Variants in CXorf66 observed in about 807,000 individuals in gnomAD.
CXorf66 encodes the protein uncharacterized protein CXorf66.
CXorf66 carries 6 observed loss-of-function variants against 5.0 expected under a neutral mutation model. The ratio of observed to expected loss-of-function variants is 1.20; its 90% CI spans 0.65 to 2.36. The LOEUF (loss-of-function observed/expected upper bound fraction) is 2.36, where lower values mean the gene tolerates loss of function less well. Among genes scored for constraint, CXorf66 ranks in the 30% most tolerant of loss-of-function variants. The probability of loss-of-function intolerance (pLI) is 0.00; values close to 1 mark genes in which losing one functional copy is unlikely to be tolerated. For missense variants in CXorf66, 270 were observed against 254.9 expected, an observed-to-expected ratio of 1.06 and a Z score of -0.40; for synonymous variants, 98 against 102.8, an observed-to-expected ratio of 0.95 and a Z score of 0.28.
At position 139,956,597 on chromosome X, in the gene CXorf66, A is replaced by G. The variant is rs1190966849; in HGVS notation, c.385T>C (p.Ser129Pro). ...AATTTTTCTGTGCTGGATTGTGCGG[A>G]TGCCCTTTCTGGACTCGATGAATCA... ...SSDSSSPERA[S>P]AQSSTEKLIR... Residue 129 changes from serine (S) to proline (P), a missense_variant, in exon 3 of 3, where the codon TCC becomes CCC. Coordinates refer to ENST00000370540, the MANE Select transcript of CXorf66 (RefSeq NM_001013403.3). 1 of 1,211,364 alleles carries G rather than the reference A, an allele frequency of 8.3e-7. No individual in the cohort carries two copies. The highest frequency in any genetic ancestry group is 3.0e-5 in the East Asian group (1 of 33,830).
rs1423613099 is a variant in CXorf66 at position 139,955,734 on chromosome X, T to C, written c.*162A>G. On this transcript the variant is annotated 3_prime_UTR_variant, in exon 3 of 3. Coordinates refer to ENST00000370540, the MANE Select transcript of CXorf66 (RefSeq NM_001013403.3). ...ATAATAATTACAATAGTAATTTATG[T>C]CATGCATTTTATTGATATTTTTAAA... 6 of 417,122 alleles carry C rather than the reference T, an allele frequency of 1.4e-5. No individual in the cohort carries two copies. The highest frequency in any genetic ancestry group is 2.5e-5 in the African/African-American group (1 of 40,058). 34.4% of individuals were successfully genotyped at this position (417,122 alleles called of 1,213,427 possible). A position where few individuals can be genotyped will look rare whatever the true frequency, so the allele number is the denominator to read the frequency against.
intron 1 of CXorf66, among the ~76,000 whole-genome samples, chrX:139,958,835 G>A (rs1310932359): frequency 1.8e-5 from 2 of 112,206 alleles, no homozygotes; most frequent in Non-Finnish European, 3.8e-5. Context: ...AAGGAGCCAG[G>A]GGCCTCCTTC....
chrX:139,956,136 C>A lies in CXorf66; in HGVS notation c.846G>T (p.Leu282Phe). The A allele has an allele frequency of 1.1e-5, 13 of 1,211,490 alleles. No individual in the cohort carries two copies. The highest frequency in any genetic ancestry group is 1.5e-5 in the Non-Finnish European group (13 of 895,418). ...KHLVAKTYRP[L>F]VNDISEAKEK... ...CCTTTGCCTCAGAAATATCATTGAC[C>A]AAAGGCCTATAAGTTTTGGCAACAA... The change falls in exon 3 of 3, where the codon TTG becomes TTT. Residue 282 changes from leucine to phenylalanine, a missense_variant. By Grantham distance (22) the Leu-to-Phe change is conservative. Coordinates refer to ENST00000370540, the MANE Select transcript of CXorf66 (RefSeq NM_001013403.3).
intron 1 of CXorf66, among the ~76,000 whole-genome samples, chrX:139,963,908 T>G (rs1475745222): frequency 8.9e-6 from 1 of 111,835 alleles, no homozygotes; most frequent in South Asian, 3.7e-4. Context: ...ATTCAAAAAT[T>G]AACTCAAGAT....
intron 1 of CXorf66, among the ~76,000 whole-genome samples, chrX:139,959,306 G>A (rs763319110): frequency 5.4e-5 from 6 of 111,646 alleles, no homozygotes; most frequent in Non-Finnish European, 7.5e-5. Flanking sequence ...CAGGAAGTTC[G>A]GACTGGGTGG....
intron 2 of CXorf66, among the ~76,000 whole-genome samples, chrX:139,957,303 C>T (rs762461875): frequency 1.1e-4 from 12 of 110,860 alleles, no homozygotes; most frequent in Admixed American, 4.8e-4. Context: ...ACCATATAAT[C>T]CACATATAGA....
At chrX:139,956,785 G>A (rs753648411) in intron 2 of CXorf66, 46 bp from the exon 3 acceptor site, 4 of 1,122,125 alleles carry the variant, frequency 3.6e-6, no homozygotes, top group Non-Finnish European at 4.8e-6. Context: ...AAACAAAAGA[G>A]ACCTATTACT....
rs190891062 is a variant in CXorf66, at chrX:139,959,207, C to T, written c.89-990G>A. ...GCCAGCACAGCAGTCTGAAGTAGAC[C>T]CAGGATGATGGAGCTTGGTGGGGGG... On this transcript the variant is annotated intron_variant, in intron 1 of 2. Transcript: ENST00000370540. Among the ~76,000 whole-genome samples, 517 of 111,561 alleles carry T rather than the reference C, an allele frequency of 4.6e-3. 3 individuals are homozygous for T. The highest frequency in any genetic ancestry group is 0.016 in the African/African-American group (493 of 30,698).
rs1250966823 is a variant in CXorf66, at chrX:139,956,366, G to T, written c.616C>A (p.Pro206Thr). 1 of 1,211,837 alleles carries T rather than the reference G, an allele frequency of 8.3e-7. No homozygotes were observed. The highest frequency in any genetic ancestry group is 1.1e-6 in the Non-Finnish European group (1 of 895,460). Residue 206 changes from proline (P) to threonine (T), a missense_variant, in exon 3 of 3, where the codon CCA becomes ACA. Physicochemically the swap from Pro to Thr is conservative, Grantham distance 38. Transcript: ENST00000370540. ...TTGAATAGCTGAGGTGGCCTGACTG[G>T]CTTATCTGAACTGGCTAGCTTACAC... ...YACKLASSDKPVRPPQLFKPL... is the reference protein window; with the variant it reads ...YACKLASSDKTVRPPQLFKPL...
At chrX:139,958,856 G>A (rs1339214848) in intron 1 of CXorf66, among the ~76,000 whole-genome samples, 1 of 112,371 alleles carries the variant, frequency 8.9e-6, no homozygotes, top group Non-Finnish European at 1.9e-5. Flanking sequence ...TCCCAGCCAA[G>A]GGAAGCAGTG....
intron 1 of CXorf66, among the ~76,000 whole-genome samples, chrX:139,960,308 A>C (rs1170468900): frequency 9.2e-6 from 1 of 108,532 alleles, no homozygotes; most frequent in Non-Finnish European, 1.9e-5. Flanking sequence ...AAATCAATCA[A>C]GCAGAAGAAA....
Position 139,965,501 on chromosome X carries a change from G to A in CXorf66, c.-5C>T. 3 of 1,175,592 alleles carry A rather than the reference G, an allele frequency of 2.6e-6. No individual in the cohort carries two copies. The highest frequency in any genetic ancestry group is 1.2e-6 in the Non-Finnish European group (1 of 864,554). The stretch of plus-strand genomic sequence containing the variant: ...GACACAAATAACAAGATTCATGTCC[G>A]CAACTTGGTTCAAATGATTTGTCTA... On this transcript the variant is annotated 5_prime_UTR_variant, in exon 1 of 3. Transcript: ENST00000370540.
Position 139,956,607 on chromosome X carries a change from T to C in CXorf66, c.375A>G (p.Pro125=). The change falls in exon 3 of 3, where the codon CCA becomes CCG. Residue 125 remains proline (P), a synonymous_variant. Coordinates refer to ENST00000370540, the MANE Select transcript of CXorf66 (RefSeq NM_001013403.3). The part of the protein sequence containing the change: ...TADKSSDSSS[P]ERASAQSSTE... The stretch of plus-strand genomic sequence containing the variant: ...TGCTGGATTGTGCGGATGCCCTTTC[T>C]GGACTCGATGAATCAGATGACTTGT... The C allele has an allele frequency of 9.1e-6, 11 of 1,211,528 alleles. No homozygotes were observed. The highest frequency in any genetic ancestry group is 5.3e-5 in the South Asian group (3 of 56,950).
chrX:139,963,428 G>C (rs1188766681), intron 1 of CXorf66, among the ~76,000 whole-genome samples: 1 of 111,780 alleles, frequency 8.9e-6, no homozygotes, highest in African/African-American at 3.2e-5. Context: ...CAAACAAATG[G>C]AAAAACATTC....
rs930888606 is a variant in CXorf66, at chrX:139,956,013, A to G, written c.969T>C (p.His323=). 5 of 1,211,284 alleles carry G rather than the reference A, an allele frequency of 4.1e-6. No individual in the cohort carries two copies. Among genetic ancestry groups the G allele is most frequent in the Non-Finnish European group, 4.5e-6 (4 of 895,090 alleles). ...ATTTCATCGTATCACTGTCATTCAC[A>G]TGATCACCGTATGCATTGTTCCTGG... ...LDSRNNAYGD[H]VNDSDTMKYY... Residue 323 remains histidine (H), a synonymous_variant, in exon 3 of 3, where the codon CAT becomes CAC. Transcript: ENST00000370540.
Position 139,956,742 on chromosome X carries a change from G to A in CXorf66, c.243-3C>T. On this transcript the variant is annotated splice_polypyrimidine_tract_variant and splice_region_variant and intron_variant, in intron 2 of 2. Transcript: ENST00000370540. ...CTGCTATGCCTTTTTTCTTGACCCT[G>A]AAAGTATAGAAAATTTGGAGTATAA... is the stretch of plus-strand genomic sequence containing the variant. The A allele has an allele frequency of 8.4e-7, 1 of 1,194,415 alleles. No individual in the cohort carries two copies.
chrX:139,956,794 C>T, intron 2 of CXorf66, 55 bp from the exon 3 acceptor site: 2 of 1,095,989 alleles, frequency 1.8e-6, no homozygotes. Context: ...AGACCTATTA[C>T]TATTATCGGA....
chrX:139,961,397 T>C lies in CXorf66; in HGVS notation c.89-3180A>G, dbSNP rs779245318. The stretch of plus-strand genomic sequence containing the variant: ...AAGAGCCAACTATCCTAAATAGATA[T>C]GCACCCAATACAGGAGCACCCAGAT... On this transcript the variant is annotated intron_variant, in intron 1 of 2. Coordinates refer to ENST00000370540, the MANE Select transcript of CXorf66 (RefSeq NM_001013403.3). Among the ~76,000 whole-genome samples, 6 of 112,084 alleles carry C rather than the reference T, an allele frequency of 5.4e-5. No homozygotes were observed. The South Asian group carries it at 1.9e-3, about 35-fold the overall frequency.
chrX:139,960,280 A>T (rs1045183382), intron 1 of CXorf66, among the ~76,000 whole-genome samples: 1 of 108,883 alleles, frequency 9.2e-6, no homozygotes, highest in African/African-American at 3.3e-5. Context: ...CGTGATGCAT[A>T]TACAAGTATC....
Sources: gnomAD v4.1 joint callset for allele counts (sites outside exome capture counted in the v4.1 genomes callset) on GRCh38, gnomAD v4.1.1 for gene constraint, MANE v1.5 for transcripts, NCBI Gene and HGNC (gene_info 2026-07-23, HGNC 2026-07-21) for gene names.